The following EPM2A variants were observed in gnomAD, a reference collection of about 807,000 sequenced individuals.
EPM2A encodes the protein laforin.
EPM2A carries 21 observed loss-of-function variants against 26.5 expected under a neutral mutation model. That is an observed-to-expected ratio of 0.79 (90% confidence interval 0.56 to 1.14). The LOEUF is 1.14. Ranked by LOEUF, EPM2A falls within the 50% of genes most tolerant of loss-of-function variation. EPM2A has a pLI of 0.00. For synonymous variants in EPM2A, 217 were observed against 177.6 expected (o/e 1.22, Z -1.76); for missense variants, 458 against 440.8 (o/e 1.04, Z -0.35).
chr6:145,488,746 A>T (rs1419402389), intron 4 of EPM2A, among the ~76,000 whole-genome samples: 3 of 152,114 alleles, frequency 2.0e-5, no homozygotes, highest in Non-Finnish European at 4.4e-5. Context: ...TTTTAAATAC[A>T]TTAATTTTTA....
intron 1 of EPM2A, among the ~76,000 whole-genome samples, chr6:145,696,336 TAGAC>T (rs1426252377): frequency 1.3e-5 from 2 of 152,110 alleles, no homozygotes; most frequent in African/African-American, 4.8e-5. Flanking sequence ...AAATTTCAAT[TAGAC>T]AGAAGGAATA....
In EPM2A at chr6:145,540,763, G is replaced by A. The variant is rs139778711; in HGVS notation, c.341-38188C>T. Reference sequence around the variant, plus strand: ...AAATGAAAAAGATCAAAAACTAGGGGCGTGGTAAATTCAGAGTCCTAAAAT... The same window carrying A: ...AAATGAAAAAGATCAAAAACTAGGGACGTGGTAAATTCAGAGTCCTAAAAT... On this transcript the variant is annotated intron_variant, in intron 2 of 3. Coordinates refer to the EPM2A transcript ENST00000450221. Among the ~76,000 whole-genome samples, 1,172 of 152,204 alleles carry A rather than the reference G, an allele frequency of 7.7e-3. 16 individuals are homozygous for A. Among genetic ancestry groups the A allele is most frequent in the African/African-American group, 0.027 (1,116 of 41,528 alleles).
chr6:145,635,203 C>T, intron 3 of EPM2A, 42 bp downstream of exon 3: 2 of 1,612,762 alleles, frequency 1.2e-6, no homozygotes, highest in Non-Finnish European at 1.7e-6. Context: ...GCAAGGGTTT[C>T]TCTGAAATAC....
intron 2 of EPM2A, among the ~76,000 whole-genome samples, chr6:145,617,445 G>A (rs1437944147): frequency 6.6e-6 from 1 of 152,110 alleles, no homozygotes; most frequent in Non-Finnish European, 1.5e-5. Context: ...ATATTTTATA[G>A]GATGTTACTC....
rs1175016348 is a variant in EPM2A at position 145,605,134 on chromosome 6, ACTTATAC to A, written c.340+30104_340+30110del. On this transcript the variant is annotated intron_variant, in intron 2 of 3. Transcript: ENST00000450221. ...TCCTTTGGCCTACTTATTTAAGAAAACTTATACCTAAAAGTCAGAAAGTGCCTTTAAA... is the reference window on the plus strand; with the variant it reads ...TCCTTTGGCCTACTTATTTAAGAAAACTAAAAGTCAGAAAGTGCCTTTAAA... 3.3e-5 allele frequency among the ~76,000 whole-genome samples: 5 copies of A among 152,144 alleles called. No individual in the cohort carries two copies. In the East Asian group the frequency reaches 9.6e-4, roughly 29 times the overall value.
At chr6:145,648,537 G>C (rs910207286) in intron 2 of EPM2A, among the ~76,000 whole-genome samples, 4 of 152,178 alleles carry the variant, frequency 2.6e-5, no homozygotes, top group African/African-American at 4.8e-5. Flanking sequence ...TAACGCAGGT[G>C]GACAAGTTGA....
At chr6:145,540,043 A>G (rs893977893) in intron 2 of EPM2A, among the ~76,000 whole-genome samples, 1 of 152,160 alleles carries the variant, frequency 6.6e-6, no homozygotes, top group Non-Finnish European at 1.5e-5. Context: ...TGTTTCTTCC[A>G]GCAGAAACCA....
At chr6:145,416,415 T>C (rs1778708874) in intron 4 of EPM2A, among the ~76,000 whole-genome samples, 1 of 152,150 alleles carries the variant, frequency 6.6e-6, no homozygotes, top group Admixed American at 6.6e-5. Context: ...GCTTTTGGTT[T>C]GTATAGGATT....
intron 2 of EPM2A, among the ~76,000 whole-genome samples, chr6:145,505,532 AATATTATTCAGT>A: frequency 2.2e-5 from 1 of 46,044 alleles, no homozygotes; most frequent in South Asian, 1.2e-3. Context: ...AGATGTTAAC[AATATTATTCAGT>A]AATATTATCA....
At chr6:145,735,099 CGCCGGGGCCTGCGGGGCCTGCCCGAG>C (rs1776770283) in intron 1 of EPM2A, 73 bp downstream of exon 1, 1 of 816,458 alleles carries the variant, frequency 1.2e-6, no homozygotes, top group Admixed American at 4.4e-5. Flanking sequence ...GGACGCGCGC[CGCCGGGGCCTGCGGGGCCTGCCCGAG>C]GCCGAGGCCC....
At chr6:145,675,008 GA>G (rs1211685524) in intron 2 of EPM2A, among the ~76,000 whole-genome samples, 1 of 151,986 alleles carries the variant, frequency 6.6e-6, no homozygotes, top group Non-Finnish European at 1.5e-5. Flanking sequence ...TTAAAATGAA[GA>G]AAAAAATGTT....
intron 2 of EPM2A, among the ~76,000 whole-genome samples, chr6:145,594,322 T>C (rs1429322953): frequency 6.6e-6 from 1 of 151,944 alleles, no homozygotes; most frequent in Non-Finnish European, 1.5e-5. Context: ...TCATTTCTTA[T>C]TGAAAGAATT....
intron 1 of EPM2A, among the ~76,000 whole-genome samples, chr6:145,726,673 A>G (rs574223111): frequency 6.6e-6 from 1 of 152,298 alleles, no homozygotes; most frequent in African/African-American, 2.4e-5. Flanking sequence ...ATGATGAGAA[A>G]GAAACACCAG....
At chr6:145,594,399 C>A (rs997951674) in intron 2 of EPM2A, among the ~76,000 whole-genome samples, 2 of 151,738 alleles carry the variant, frequency 1.3e-5, no homozygotes, top group African/African-American at 4.8e-5. Context: ...ATACTAATTT[C>A]CCATAACGTC....
At chr6:145,615,850 GC>G (rs908302247) in intron 2 of EPM2A, among the ~76,000 whole-genome samples, 1 of 130,270 alleles carries the variant, frequency 7.7e-6, no homozygotes, top group South Asian at 3.0e-4. Flanking sequence ...AGGGTATCTG[GC>G]AGAAGAAATT....
chr6:145,516,926 C>A (rs912442040), intron 2 of EPM2A, among the ~76,000 whole-genome samples: 1 of 152,056 alleles, frequency 6.6e-6, no homozygotes, highest in African/African-American at 2.4e-5. Flanking sequence ...TTCACAATAG[C>A]CAAGATGTGA....
chr6:145,567,933 A>G (rs957719973), intron 2 of EPM2A, among the ~76,000 whole-genome samples: 1 of 152,158 alleles, frequency 6.6e-6, no homozygotes, highest in Non-Finnish European at 1.5e-5. Context: ...ACTTTCCTCC[A>G]GTACAGGCTG....
At chr6:145,572,907 C>G (rs1236854565) in intron 2 of EPM2A, among the ~76,000 whole-genome samples, 1 of 152,180 alleles carries the variant, frequency 6.6e-6, no homozygotes, top group Non-Finnish European at 1.5e-5. Flanking sequence ...GTGTTGCCTC[C>G]AAAATCCAAG....
At chr6:145,486,641 G>T (rs1779681905) in intron 4 of EPM2A, among the ~76,000 whole-genome samples, 1 of 151,876 alleles carries the variant, frequency 6.6e-6, no homozygotes, top group South Asian at 2.1e-4. Context: ...TTGTGGTTCA[G>T]TGTGCTATCT....
Sources: allele counts gnomAD v4.1 joint callset (sites outside exome capture counted in the v4.1 genomes callset), GRCh38; gene constraint gnomAD v4.1.1; transcripts MANE v1.5; gene names NCBI Gene and HGNC (gene_info 2026-07-23, HGNC 2026-07-21).